The following MYH14 variants were observed in gnomAD, a reference collection of about 807,000 sequenced individuals.
The protein encoded by MYH14 is myosin-14.
In MYH14, 123 loss-of-function variants were observed where a neutral mutation model predicts 255.5. The observed-to-expected ratio is 0.48, with a 90% CI of 0.42 to 0.56. The LOEUF is 0.56. Ranked by LOEUF, MYH14 falls within the 20% of genes least tolerant of loss-of-function variation. The pLI, the probability that MYH14 is intolerant of heterozygous loss-of-function variation, is 0.00. For missense variants in MYH14, 2,423 were observed against 2,802.3 expected, an observed-to-expected ratio of 0.86 and a Z score of 3.06; for synonymous variants, 1,095 against 1,161.2, an observed-to-expected ratio of 0.94 and a Z score of 1.16.
At chr19:50,233,448 G>A (rs904552808) in intron 10 of MYH14, among the ~76,000 whole-genome samples, 1 of 152,160 alleles carries the variant, frequency 6.6e-6, no homozygotes, top group Non-Finnish European at 1.5e-5. Flanking sequence ...GGGATTCCAG[G>A]CGTGAGCCGC....
chr19:50,281,741 C>T lies in MYH14; in HGVS notation c.4438C>T (p.Arg1480Cys), dbSNP rs867601827. 21 of 1,611,708 alleles carry T rather than the reference C, an allele frequency of 1.3e-5. No individual in the cohort carries two copies. The highest frequency in any genetic ancestry group is 3.3e-5 in the South Asian group (3 of 91,030). Residue 1480 changes from arginine (R) to cysteine (C), a missense_variant, in exon 33 of 43, where the codon CGC becomes TGC. Physicochemically the swap from Arg to Cys is radical, Grantham distance 180 (BLOSUM62 -3). Coordinates refer to ENST00000642316, the MANE Select transcript of MYH14 (RefSeq NM_001145809.2). ...GACCGTGGATCGGCTGGAGCGGGGC[C>T]GCCGCCGGCTGCAGCAGGAGCTGGA... The part of the protein sequence containing the change: ...TETVDRLERG[R>C]RRLQQELDDA...
At chr19:50,213,530 G>A (rs1382187471) in intron 2 of MYH14, among the ~76,000 whole-genome samples, 1 of 152,148 alleles carries the variant, frequency 6.6e-6, no homozygotes, top group Non-Finnish European at 1.5e-5. Context: ...CCAGACTTTT[G>A]GGGCCTAAGA....
At chr19:50,278,002 C>A in intron 29 of MYH14, 81 bp from the exon 30 acceptor site, 1 of 1,116,084 alleles carries the variant, frequency 9.0e-7, no homozygotes. Context: ...ACAGCCAGTG[C>A]AAAGGCCCTG....
Position 50,238,601 on chromosome 19 carries a change from G to A in MYH14, c.1115-5641G>A, listed in dbSNP as rs371764050. 5.1e-4 allele frequency among the ~76,000 whole-genome samples: 77 copies of A among 152,122 alleles called. 1 individual carries two copies. The South Asian group carries it at 0.015, about 29-fold the overall frequency. On this transcript the variant is annotated intron_variant, in intron 10 of 42. Transcript: ENST00000642316. ...CGAGCAGCTGAGATTATAGGCGCTC[G>A]CCACCACACCCAGCTTATATTTTGC...
chr19:50,279,936 A>C (rs777359222), intron 30 of MYH14, 101 bp from the exon 31 acceptor site: 14 of 878,798 alleles, frequency 1.6e-5, no homozygotes, highest in Non-Finnish European at 2.1e-5. Context: ...CGGCAGCTGT[A>C]ACATTTCACA....
intron 17 of MYH14, among the ~76,000 whole-genome samples, chr19:50,256,888 C>T (rs1045812890): frequency 6.6e-6 from 1 of 152,246 alleles, no homozygotes; most frequent in African/African-American, 2.4e-5. Flanking sequence ...ATGATTCTTA[C>T]AGGCTTATAA....
intron 33 of MYH14, among the ~76,000 whole-genome samples, chr19:50,282,892 G>C (rs2035773486): frequency 6.6e-6 from 1 of 152,018 alleles, no homozygotes; most frequent in Non-Finnish European, 1.5e-5. Context: ...TCCTGTAGCT[G>C]TGGGTTGATG....
In MYH14 at chr19:50,259,070, A is replaced by C. The variant is rs1346199884; in HGVS notation, c.2233-74A>C. On this transcript the variant is annotated intron_variant, in intron 18 of 42. Coordinates refer to ENST00000642316, the MANE Select transcript of MYH14 (RefSeq NM_001145809.2). ...CAGTAAATTACATGTGGAAACAGGAAATTGCCAAGCTTGACCGTTTGGCGC... is the reference window on the plus strand; with the variant it reads ...CAGTAAATTACATGTGGAAACAGGACATTGCCAAGCTTGACCGTTTGGCGC... The C allele has an allele frequency of 4.7e-5, 71 of 1,502,596 alleles. No homozygotes were observed. In the East Asian group the frequency reaches 1.7e-3, roughly 37 times the overall value. 93.1% of individuals were successfully genotyped at this position (1,502,596 alleles called of 1,614,324 possible). A position where few individuals can be genotyped will look rare whatever the true frequency, so the allele number is the denominator to read the frequency against.
At chr19:50,305,047 GC>G (rs1005981178) in intron 40 of MYH14, among the ~76,000 whole-genome samples, 82 of 152,218 alleles carry the variant, frequency 5.4e-4, no homozygotes, top group African/African-American at 1.9e-3. Context: ...TGAATACTGG[GC>G]CACGGAACTC....
intron 8 of MYH14, among the ~76,000 whole-genome samples, chr19:50,227,554 T>C (rs637586): frequency 0.61 from 92,071 of 151,900 alleles, 28,529 homozygotes; most frequent in East Asian, 0.73. Context: ...CCTTTAGGTC[T>C]AGCGAACCCC....
At chr19:50,299,601 A>G (rs913729225) in intron 39 of MYH14, among the ~76,000 whole-genome samples, 1 of 149,364 alleles carries the variant, frequency 6.7e-6, no homozygotes, top group Non-Finnish European at 1.5e-5. Flanking sequence ...AAAAATTTTA[A>G]AGGAATAAAA....
chr19:50,292,169 C>G (rs2036097706), intron 36 of MYH14, 92 bp from the exon 37 acceptor site: 3 of 1,325,684 alleles, frequency 2.3e-6, no homozygotes, highest in Non-Finnish European at 3.0e-6. Flanking sequence ...TTCACGGGAG[C>G]TGAGGAGCCC....
chr19:50,268,134 A>G (rs2035157631), intron 23 of MYH14, 27 bp from the exon 24 acceptor site: 1 of 1,531,558 alleles, frequency 6.5e-7, no homozygotes, highest in Non-Finnish European at 8.8e-7. Context: ...CTGCCTGCTG[A>G]CCACTAACCT....
intron 2 of MYH14, among the ~76,000 whole-genome samples, chr19:50,212,727 G>C (rs1156339085): frequency 6.6e-6 from 1 of 152,194 alleles, no homozygotes; most frequent in Non-Finnish European, 1.5e-5. Context: ...GGCTGGCTCA[G>C]GGTCCCTCAG....
intron 3 of MYH14, among the ~76,000 whole-genome samples, chr19:50,222,682 C>G (rs1431132711): frequency 6.6e-6 from 1 of 152,046 alleles, no homozygotes; most frequent in African/African-American, 2.4e-5. Context: ...TGTGGAATGG[C>G]TGTGTTAGGC....
chr19:50,269,380 G>C (rs1600988569), intron 24 of MYH14, among the ~76,000 whole-genome samples: 2 of 152,206 alleles, frequency 1.3e-5, no homozygotes, highest in African/African-American at 4.8e-5. Context: ...CAGGGTTTCA[G>C]TATGTTGGCC....
At chr19:50,224,038 GTCCCCCT>G in intron 5 of MYH14, 109 bp from the exon 6 acceptor site, 6 of 355,442 alleles carry the variant, frequency 1.7e-5, no homozygotes, top group East Asian at 5.5e-5. Context: ...GGTTTCCCCA[GTCCCCCT>G]TCCCCCACCC....
chr19:50,273,270 A>G (rs1263850704), intron 27 of MYH14, among the ~76,000 whole-genome samples: 22 of 142,148 alleles, frequency 1.5e-4, no homozygotes, highest in Admixed American at 1.5e-3. Context: ...TAGCCTGGGC[A>G]ACAGAGCAAG....
At chr19:50,246,407 C>T (rs1296552389) in intron 11 of MYH14, among the ~76,000 whole-genome samples, 1 of 152,024 alleles carries the variant, frequency 6.6e-6, no homozygotes, top group Non-Finnish European at 1.5e-5. Flanking sequence ...TCCCGAAGGG[C>T]CTCCCTGGGA....
Sources: gnomAD v4.1 joint callset for allele counts (sites outside exome capture counted in the v4.1 genomes callset) on GRCh38, gnomAD v4.1.1 for gene constraint, MANE v1.5 for transcripts, NCBI Gene and HGNC (gene_info 2026-07-23, HGNC 2026-07-21) for gene names.